Variants in EYA1 observed in about 807,000 individuals in gnomAD.
The protein encoded by EYA1 is EYA transcriptional coactivator and phosphatase 1.
A neutral mutation model predicts 82.0 loss-of-function variants in EYA1; 16 were observed. The ratio of observed to expected loss-of-function variants is 0.20; its 90% CI spans 0.13 to 0.30. The LOEUF is 0.30. Among genes scored for constraint, EYA1 ranks in the 10% least tolerant of loss-of-function variants. The pLI is 1.00. For synonymous variants in EYA1, 261 were observed against 264.4 expected (o/e 0.99, Z 0.12); for missense variants, 633 against 730.7 (o/e 0.87, Z 1.54).
At chr8:71,209,533 G>T (rs1808249198) in intron 17 of EYA1, among the ~76,000 whole-genome samples, 1 of 152,128 alleles carries the variant, frequency 6.6e-6, no homozygotes, top group Non-Finnish European at 1.5e-5. Flanking sequence ...TAAAATTAGG[G>T]TCAGTGATTA....
intron 2 of EYA1, among the ~76,000 whole-genome samples, chr8:71,493,469 C>T (rs929485202): frequency 1.3e-5 from 2 of 152,078 alleles, no homozygotes; most frequent in Admixed American, 6.6e-5. Context: ...TAAAACAGTC[C>T]TTAAGGAATT....
chr8:71,251,712 G>A (rs1813767197), intron 11 of EYA1, among the ~76,000 whole-genome samples: 1 of 152,106 alleles, frequency 6.6e-6, no homozygotes, highest in South Asian at 2.1e-4. Flanking sequence ...TTATCCCATT[G>A]CCTCAAGATC....
chr8:71,356,256 T>C (rs764779759), intron 2 of EYA1, among the ~76,000 whole-genome samples: 12 of 152,220 alleles, frequency 7.9e-5, no homozygotes, highest in Non-Finnish European at 1.3e-4. Flanking sequence ...CTAGAAACTA[T>C]AGCCCATAAT....
rs1291807100 is a variant in EYA1, at chr8:71,199,318, G to A, written c.*22C>T. ...GTCCCTGGTCACAGAGCAGCTGTGC[G>A]CTGTCAAAGTGCCGAGCGCTGTTAC... is the stretch of plus-strand genomic sequence containing the variant. On this transcript the variant is annotated 3_prime_UTR_variant, in exon 18 of 18. Transcript: ENST00000340726. 11 of 1,554,902 alleles carry A rather than the reference G, an allele frequency of 7.1e-6. No homozygotes were observed. The highest frequency in any genetic ancestry group is 4.1e-5 in the African/African-American group (3 of 73,734).
At chr8:71,221,586 C>A (rs1272349382) in intron 12 of EYA1, among the ~76,000 whole-genome samples, 1 of 152,118 alleles carries the variant, frequency 6.6e-6, no homozygotes, top group Non-Finnish European at 1.5e-5. Context: ...TTCTATTTAG[C>A]CAATTTTCAC....
At chr8:71,278,176 C>A (rs908965377) in intron 9 of EYA1, among the ~76,000 whole-genome samples, 3 of 151,326 alleles carry the variant, frequency 2.0e-5, no homozygotes, top group African/African-American at 7.4e-5. Context: ...ATGTACAACA[C>A]TTACCAAAGC....
intron 2 of EYA1, chr8:71,529,298 A>T (rs1034558913): frequency 6.6e-6 from 1 of 152,216 alleles, no homozygotes; most frequent in Non-Finnish European, 1.5e-5. Flanking sequence ...CATGCCAAAA[A>T]TGCAAATCAT....
chr8:71,203,368 A>G (rs7838912), intron 17 of EYA1, among the ~76,000 whole-genome samples: 24,827 of 152,238 alleles, frequency 0.16, 2,198 homozygotes, highest in Middle Eastern at 0.22. Context: ...CAGGCAAGAT[A>G]TAACTGATGA....
Position 71,512,577 on chromosome 8 carries a change from G to A in EYA1, c.33+23167C>T, listed in dbSNP as rs141995812. On this transcript the variant is annotated intron_variant, in intron 2 of 18. Transcript: ENST00000643681. ...AATGGTCAGGGACACCAAACAAGCTGGAGAAAGTAATTCAAAACAAATGGA... is the reference window on the plus strand; with the variant it reads ...AATGGTCAGGGACACCAAACAAGCTAGAGAAAGTAATTCAAAACAAATGGA... 3.3e-5 allele frequency among the ~76,000 whole-genome samples: 5 copies of A among 151,730 alleles called. No individual in the cohort carries two copies. The East Asian group carries it at 9.7e-4, about 29-fold the overall frequency.
At chr8:71,500,476 AT>A (rs1297714097) in intron 2 of EYA1, among the ~76,000 whole-genome samples, 1 of 151,726 alleles carries the variant, frequency 6.6e-6, no homozygotes, top group Non-Finnish European at 1.5e-5. Flanking sequence ...TTCACTCCTA[AT>A]TTTCCAGTGG....
At chr8:71,535,074 T>C (rs1239219769) in intron 2 of EYA1, among the ~76,000 whole-genome samples, 1 of 135,496 alleles carries the variant, frequency 7.4e-6, no homozygotes, top group Non-Finnish European at 1.7e-5. Context: ...TGAAATATGC[T>C]TTTTTTTAAA....
At chr8:71,277,115 A>ATTTTTT (rs9298167) in intron 9 of EYA1, among the ~76,000 whole-genome samples, 90 of 76,956 alleles carry the variant, frequency 1.2e-3, no homozygotes, top group Non-Finnish European at 1.5e-3. Context: ...GGCTTCACAC[A>ATTTTTT]TTTTTTTTTT....
At chr8:71,383,410 T>C (rs1252888697) in intron 2 of EYA1, among the ~76,000 whole-genome samples, 1 of 152,070 alleles carries the variant, frequency 6.6e-6, no homozygotes, top group African/African-American at 2.4e-5. Flanking sequence ...TTTCAAATGG[T>C]CAAAAAATTG....
chr8:71,525,380 A>G (rs1275548180), intron 2 of EYA1, among the ~76,000 whole-genome samples: 5 of 152,222 alleles, frequency 3.3e-5, no homozygotes, highest in Non-Finnish European at 7.3e-5. Context: ...GAGACCACTT[A>G]AGGAAATTTC....
chr8:71,364,314 T>G (rs1445405), upstream of EYA1, among the ~76,000 whole-genome samples: 95 of 152,052 alleles, frequency 6.2e-4, no homozygotes, highest in African/African-American at 2.2e-3. Context: ...CCATAAATTG[T>G]GTATGGTTAC....
At chr8:71,412,003 C>A (rs528710974) in intron 2 of EYA1, among the ~76,000 whole-genome samples, 1 of 151,860 alleles carries the variant, frequency 6.6e-6, no homozygotes, top group Non-Finnish European at 1.5e-5. Flanking sequence ...CGATAGACTG[C>A]ATTAAGAAAA....
intron 2 of EYA1, among the ~76,000 whole-genome samples, chr8:71,418,680 C>T (rs1830984273): frequency 6.6e-6 from 1 of 152,134 alleles, no homozygotes; most frequent in African/African-American, 2.4e-5. Context: ...ATTCATTGAA[C>T]ACCATATTAT....
upstream of EYA1, among the ~76,000 whole-genome samples, chr8:71,365,239 A>G (rs1827687655): frequency 6.6e-6 from 1 of 151,894 alleles, no homozygotes; most frequent in African/African-American, 2.4e-5. Context: ...TAATTCCAAT[A>G]ATGAAAATAA....
chr8:71,478,707 C>G (rs2129209125), intron 2 of EYA1, among the ~76,000 whole-genome samples: 1 of 152,288 alleles, frequency 6.6e-6, no homozygotes. Flanking sequence ...CTGCTGGGCC[C>G]TTAGCATGCT....
Sources: allele counts gnomAD v4.1 joint callset (sites outside exome capture counted in the v4.1 genomes callset), GRCh38; gene constraint gnomAD v4.1.1; transcripts MANE v1.5; gene names NCBI Gene and HGNC (gene_info 2026-07-23, HGNC 2026-07-21).